Variants in SH3D19 observed in about 807,000 individuals in gnomAD.
The protein encoded by SH3D19 is SH3 domain-containing protein 19.
A neutral mutation model predicts 112.1 loss-of-function variants in SH3D19; 58 were observed. The ratio of observed to expected loss-of-function variants is 0.52; its 90% CI spans 0.42 to 0.64. The LOEUF (loss-of-function observed/expected upper bound fraction) is 0.64. SH3D19 is among the 30% of genes least tolerant of loss of function. The probability of loss-of-function intolerance (pLI) is 0.00; values close to 1 mark genes in which losing one functional copy is unlikely to be tolerated. For synonymous variants in SH3D19, 391 were observed against 448.5 expected, an observed-to-expected ratio of 0.87 and a Z score of 1.62; for missense variants, 1,090 against 1,263.4, an observed-to-expected ratio of 0.86 and a Z score of 2.08.
At chr4:151,122,875 G>A (rs949588822) in intron 19 of SH3D19, among the ~76,000 whole-genome samples, 46 of 139,076 alleles carry the variant, frequency 3.3e-4, no homozygotes, top group African/African-American at 1.2e-3. Flanking sequence ...TTTTTGAGAC[G>A]GAGTCTCGCT....
intron 2 of SH3D19, among the ~76,000 whole-genome samples, chr4:151,218,386 T>TA (rs542469364): frequency 6.7e-4 from 102 of 151,634 alleles, no homozygotes; most frequent in Non-Finnish European, 1.1e-3. Context: ...TGATGCCATT[T>TA]AAAAAAAAAT....
intron 1 of SH3D19, among the ~76,000 whole-genome samples, chr4:151,267,987 C>T (rs1344634321): frequency 6.6e-6 from 1 of 152,202 alleles, no homozygotes; most frequent in African/African-American, 2.4e-5. Context: ...CCTGACATAA[C>T]AGATGCTAAG....
At position 151,197,223 on chromosome 4, in the gene SH3D19, T is replaced by G. The variant is rs188931742; in HGVS notation, c.153-9760A>C. 2.3e-3 allele frequency among the ~76,000 whole-genome samples: 349 copies of G among 152,292 alleles called. 2 individuals are homozygous for G. The highest frequency in any genetic ancestry group is 7.9e-3 in the African/African-American group (330 of 41,560). On this transcript the variant is annotated intron_variant, in intron 2 of 19. Transcript: ENST00000604030. Reference sequence around the variant, plus strand: ...GATCTCAAAAAAAAAAGAGTTAATCTTAATTTTCAACCAAGACATCTAATG... The same window carrying G: ...GATCTCAAAAAAAAAAGAGTTAATCGTAATTTTCAACCAAGACATCTAATG...
At chr4:151,201,115 C>T (rs558778299) in intron 2 of SH3D19, among the ~76,000 whole-genome samples, 1 of 152,130 alleles carries the variant, frequency 6.6e-6, no homozygotes, top group Non-Finnish European at 1.5e-5. Context: ...AGCAAACAAA[C>T]AAAACAAAAT....
At chr4:151,249,143 A>C (rs1218526778) in intron 1 of SH3D19, among the ~76,000 whole-genome samples, 1 of 152,246 alleles carries the variant, frequency 6.6e-6, no homozygotes, top group Non-Finnish European at 1.5e-5. Context: ...AATTCACAAT[A>C]AAGGTATTCA....
At chr4:151,313,217 T>C (rs1729649746) in intron 1 of SH3D19, among the ~76,000 whole-genome samples, 1 of 152,024 alleles carries the variant, frequency 6.6e-6, no homozygotes, top group Non-Finnish European at 1.5e-5. Flanking sequence ...AGAGTTCCCA[T>C]TGCTACAGAG....
At chr4:151,304,567 C>CA (rs1419637138) in intron 1 of SH3D19, among the ~76,000 whole-genome samples, 1 of 152,168 alleles carries the variant, frequency 6.6e-6, no homozygotes, top group East Asian at 1.9e-4. Context: ...ATTATCAGTG[C>CA]AAAAGTGGCT....
At chr4:151,236,562 C>T (rs1561389693) in intron 1 of SH3D19, among the ~76,000 whole-genome samples, 1 of 152,148 alleles carries the variant, frequency 6.6e-6, no homozygotes, top group Non-Finnish European at 1.5e-5. Flanking sequence ...AATCAGCACT[C>T]TGCGTCTAGC....
intron 2 of SH3D19, among the ~76,000 whole-genome samples, chr4:151,191,864 C>A (rs1432717753): frequency 2.0e-5 from 3 of 151,586 alleles, no homozygotes; most frequent in African/African-American, 4.9e-5. Flanking sequence ...CCAGGATGGT[C>A]TTGATCTCCT....
At chr4:151,163,578 C>T (rs1757504051) in intron 8 of SH3D19, among the ~76,000 whole-genome samples, 1 of 131,380 alleles carries the variant, frequency 7.6e-6, no homozygotes, top group South Asian at 2.3e-4. Context: ...TTTTTTCTTT[C>T]TTTCTTTCTT....
chr4:151,291,361 A>G (rs746486111), intron 1 of SH3D19: 2 of 1,613,938 alleles, frequency 1.2e-6, no homozygotes, highest in East Asian at 4.5e-5. Flanking sequence ...TGGACCTAAC[A>G]CTATACACAG....
chr4:151,205,310 C>A (rs1764943882), intron 2 of SH3D19, among the ~76,000 whole-genome samples: 1 of 152,214 alleles, frequency 6.6e-6, no homozygotes, highest in Non-Finnish European at 1.5e-5. Context: ...CTGCTTCAAT[C>A]TTCACATCTT....
intron 1 of SH3D19, among the ~76,000 whole-genome samples, chr4:151,305,410 T>TC (rs1271252908): frequency 2.0e-5 from 3 of 152,228 alleles, no homozygotes; most frequent in African/African-American, 7.2e-5. Flanking sequence ...AAATATTTTC[T>TC]CCTAGTCTGT....
chr4:151,148,224 A>T (rs200799184), intron 10 of SH3D19, 38 bp from the exon 11 acceptor site: 2 of 1,547,522 alleles, frequency 1.3e-6, no homozygotes, highest in African/African-American at 2.8e-5. Flanking sequence ...CAGTGTTTTG[A>T]TCAGTATTAA....
chr4:151,153,359 G>C (rs1374100210), intron 9 of SH3D19, among the ~76,000 whole-genome samples: 1 of 151,862 alleles, frequency 6.6e-6, no homozygotes, highest in African/African-American at 2.4e-5. Context: ...CGATTCTCCT[G>C]CGTCAGCCTC....
intron 2 of SH3D19, among the ~76,000 whole-genome samples, chr4:151,222,228 A>G (rs1768174140): frequency 6.6e-6 from 1 of 152,206 alleles, no homozygotes; most frequent in South Asian, 2.1e-4. Context: ...TCCCAGGAAC[A>G]CACACAACAG....
intron 1 of SH3D19, among the ~76,000 whole-genome samples, chr4:151,321,528 G>A (rs1031157868): frequency 6.6e-6 from 1 of 151,958 alleles, no homozygotes; most frequent in Non-Finnish European, 1.5e-5. Flanking sequence ...TTAAGCTACC[G>A]AGAAAACCCA....
chr4:151,147,180 G>A (rs188277398), intron 11 of SH3D19, among the ~76,000 whole-genome samples: 5 of 152,300 alleles, frequency 3.3e-5, no homozygotes, highest in East Asian at 1.9e-4. Flanking sequence ...TCTGGAGGTC[G>A]AGACTGCAGT....
chr4:151,308,310 C>T (rs1003215075), intron 1 of SH3D19, among the ~76,000 whole-genome samples: 3 of 152,216 alleles, frequency 2.0e-5, no homozygotes, highest in African/African-American at 7.2e-5. Flanking sequence ...ACAAAGTAAG[C>T]CTCTTCCCTC....
Sources: allele counts gnomAD v4.1 joint callset (sites outside exome capture counted in the v4.1 genomes callset), GRCh38; gene constraint gnomAD v4.1.1; transcripts MANE v1.5; gene names NCBI Gene and HGNC (gene_info 2026-07-23, HGNC 2026-07-21).